The following SDK2 variants were observed in gnomAD, a reference collection of about 807,000 sequenced individuals.
The protein encoded by SDK2 is sidekick cell adhesion molecule 2.
Under a neutral mutation model 253.9 loss-of-function variants are expected in SDK2, and 105 were observed. That is an observed-to-expected ratio of 0.41 (90% CI 0.35 to 0.49). The LOEUF (loss-of-function observed/expected upper bound fraction) is 0.49. SDK2 is among the 20% of genes least tolerant of loss of function. SDK2 has a pLI of 0.06. For synonymous variants in SDK2, 1,249 were observed against 1,234.9 expected (o/e 1.01, Z -0.24); for missense variants, 2,608 against 3,003.0 (o/e 0.87, Z 3.07).
chr17:73,462,841 G>C (rs534156943), intron 3 of SDK2, among the ~76,000 whole-genome samples: 42 of 152,294 alleles, frequency 2.8e-4, no homozygotes, highest in African/African-American at 1.0e-3. Flanking sequence ...GGCCCTCACA[G>C]TCTCTCCATT....
At chr17:73,641,918 G>A (rs2046403155) in intron 1 of SDK2, among the ~76,000 whole-genome samples, 1 of 152,114 alleles carries the variant, frequency 6.6e-6, no homozygotes, top group African/African-American at 2.4e-5. Context: ...TGCAAGGCTT[G>A]CCTCCAGGGA....
At chr17:73,489,357 G>T (rs2063789701) in intron 2 of SDK2, among the ~76,000 whole-genome samples, 1 of 152,180 alleles carries the variant, frequency 6.6e-6, no homozygotes, top group African/African-American at 2.4e-5. Context: ...TGAAGACTTG[G>T]TCATCTTTGG....
chr17:73,527,762 C>T (rs1049868493), intron 1 of SDK2, among the ~76,000 whole-genome samples: 2 of 152,176 alleles, frequency 1.3e-5, no homozygotes, highest in East Asian at 1.9e-4. Context: ...GACTCCAGGG[C>T]AGAGACGATC....
In SDK2 at chr17:73,595,975, C is replaced by A. The variant is rs372086874; in HGVS notation, c.64+48050G>T. ...GAGAAGCCCTTGACACATAGGATTG[C>A]AGAAGTCAGAGGTCTTGGCCTTAGG... is the stretch of plus-strand genomic sequence containing the variant. On this transcript the variant is annotated intron_variant, in intron 1 of 44. Transcript: ENST00000392650. Among the ~76,000 whole-genome samples, 11 of 148,408 alleles carry A rather than the reference C, an allele frequency of 7.4e-5. No homozygotes were observed. The South Asian group carries it at 2.4e-3, about 32-fold the overall frequency.
chr17:73,509,710 C>T (rs1394399351), intron 1 of SDK2, among the ~76,000 whole-genome samples: 1 of 148,650 alleles, frequency 6.7e-6, no homozygotes. Flanking sequence ...GGTGCCTGGG[C>T]AATATGGTGA....
In SDK2 at chr17:73,455,933, C is replaced by G; in HGVS notation, c.452G>C (p.Gly151Ala). ...PQPQVTWFRD[G>A]RKIPPSSRIA... ...GCGGCTGCTGGGCGGGATCTTGCGG[C>G]CGTCCCGGAACCAGGTCACCTGTGG... The change falls in exon 4 of 45, where the codon GGC becomes GCC. Residue 151 changes from glycine to alanine, a missense_variant. Coordinates refer to ENST00000392650, the MANE Select transcript of SDK2 (RefSeq NM_001144952.2). This position sits in a 1 kb window ranked among gnomAD's most constrained non-coding sequence, Gnocchi z 5.0. 1 of 1,545,746 alleles carries G rather than the reference C, an allele frequency of 6.5e-7. No homozygotes were observed. The highest frequency in any genetic ancestry group is 8.7e-7 in the Non-Finnish European group (1 of 1,146,292).
At position 73,431,916 on chromosome 17, in the gene SDK2, C is replaced by A. The variant is rs923792207; in HGVS notation, c.1313-247G>T. On this transcript the variant is annotated intron_variant, in intron 10 of 44. Coordinates refer to ENST00000392650, the MANE Select transcript of SDK2 (RefSeq NM_001144952.2). The surrounding 1 kb of genome is among the most constrained non-coding windows in gnomAD (Gnocchi z 5.6). ...AGCCTAGAGCCCAGGTCCCCTGATG[C>A]TCCTGTGCCCGCCACACCACGTGCC... Among the ~76,000 whole-genome samples, 1 of 152,124 alleles carries A rather than the reference C, an allele frequency of 6.6e-6. No individual in the cohort carries two copies. Among genetic ancestry groups the A allele is most frequent in the Admixed American group, 6.5e-5 (1 of 15,270 alleles).
chr17:73,487,108 A>G (rs986950032), intron 2 of SDK2, among the ~76,000 whole-genome samples: 4 of 151,912 alleles, frequency 2.6e-5, no homozygotes, highest in Non-Finnish European at 5.9e-5. Flanking sequence ...TAATTTTTGT[A>G]TTTTTAGTAG....
intron 27 of SDK2, among the ~76,000 whole-genome samples, chr17:73,392,411 GGC>G (rs1342393990): frequency 2.0e-5 from 3 of 152,106 alleles, no homozygotes; most frequent in African/African-American, 4.8e-5. Flanking sequence ...TGAGACTACA[GGC>G]GTGTGCCACC....
Position 73,532,972 on chromosome 17 carries a change from G to A in SDK2, c.65-25375C>T, listed in dbSNP as rs559468849. On this transcript the variant is annotated intron_variant, in intron 1 of 44. Transcript: ENST00000392650. ...TAATAAAGGCATTTAATAAAGATGA[G>A]TATAAACATCAAAGGGCCCCTCTCC... Among the ~76,000 whole-genome samples, 40 of 152,294 alleles carry A rather than the reference G, an allele frequency of 2.6e-4. No homozygotes were observed. In the South Asian group the frequency reaches 5.0e-3, roughly 19 times the overall value.
chr17:73,338,554 C>T lies in SDK2; in HGVS notation c.*33G>A. 1 of 1,310,674 alleles carries T rather than the reference C, an allele frequency of 7.6e-7. No individual in the cohort carries two copies. Among genetic ancestry groups the T allele is most frequent in the Non-Finnish European group, 1.0e-6 (1 of 961,126 alleles). 81.2% of individuals were successfully genotyped at this position (1,310,674 alleles called of 1,614,324 possible). On this transcript the variant is annotated 3_prime_UTR_variant, in exon 45 of 45. Coordinates refer to ENST00000392650, the MANE Select transcript of SDK2 (RefSeq NM_001144952.2). This position sits in a 1 kb window ranked among gnomAD's most constrained non-coding sequence, Gnocchi z 5.0. The stretch of plus-strand genomic sequence containing the variant: ...GGAGGGGTGAAGGAGGAGTTTGGTG[C>T]CATTTCTCTTTCTGCTTTTTCCTCT...
At chr17:73,353,700 ATTT>A (rs11370066) in intron 40 of SDK2, among the ~76,000 whole-genome samples, 1 of 97,212 alleles carries the variant, frequency 1.0e-5, no homozygotes, top group Non-Finnish European at 1.9e-5. Flanking sequence ...TGCCTGGCCA[ATTT>A]TTTTTTTTTT....
At chr17:73,631,609 G>A (rs1054220938) in intron 1 of SDK2, among the ~76,000 whole-genome samples, 4 of 152,200 alleles carry the variant, frequency 2.6e-5, no homozygotes, top group African/African-American at 4.8e-5. Context: ...GTAAGCAGGC[G>A]GGCTGCTGAC....
chr17:73,401,762 A>G lies in SDK2; in HGVS notation c.2681-10T>C. Reference sequence around the variant, plus strand: ...CCCACGGGCCCAGGCACTGCACCCCAAAAGGAACCCCCACCCCCCAAGGCC... The same window carrying G: ...CCCACGGGCCCAGGCACTGCACCCCGAAAGGAACCCCCACCCCCCAAGGCC... On this transcript the variant is annotated splice_polypyrimidine_tract_variant and intron_variant, in intron 19 of 44. Coordinates refer to ENST00000392650, the MANE Select transcript of SDK2 (RefSeq NM_001144952.2). 1 of 1,564,746 alleles carries G rather than the reference A, an allele frequency of 6.4e-7. No individual in the cohort carries two copies. The highest frequency in any genetic ancestry group is 1.2e-5 in the South Asian group (1 of 85,164).
chr17:73,630,680 A>G (rs2046257394), intron 1 of SDK2, among the ~76,000 whole-genome samples: 1 of 152,162 alleles, frequency 6.6e-6, no homozygotes, highest in African/African-American at 2.4e-5. Flanking sequence ...TGGAGACACA[A>G]TAAGTCCTAA....
chr17:73,401,505 G>T, intron 20 of SDK2, 149 bp downstream of exon 20: 1 of 773,006 alleles, frequency 1.3e-6, no homozygotes, highest in Non-Finnish European at 2.2e-6. Flanking sequence ...AAGTGGAGGT[G>T]CCAAGAGCCT....
intron 1 of SDK2, among the ~76,000 whole-genome samples, chr17:73,625,051 G>A (rs773969332): frequency 1.3e-5 from 2 of 152,164 alleles, no homozygotes; most frequent in Non-Finnish European, 2.9e-5. Flanking sequence ...AAGAGCTTTG[G>A]TAGCTTGCCG....
At chr17:73,566,502 G>T (rs1162420638) in intron 1 of SDK2, among the ~76,000 whole-genome samples, 2 of 152,142 alleles carry the variant, frequency 1.3e-5, no homozygotes, top group African/African-American at 4.8e-5. Flanking sequence ...AAAGAGTTTG[G>T]TGGGTTCAAA....
intron 44 of SDK2, among the ~76,000 whole-genome samples, chr17:73,345,124 G>T (rs1276356382): frequency 2.0e-5 from 3 of 152,180 alleles, no homozygotes; most frequent in Non-Finnish European, 4.4e-5. Flanking sequence ...TTTGAGACCA[G>T]CCTGGCCAAC....
Sources: gnomAD v4.1 joint callset for allele counts (sites outside exome capture counted in the v4.1 genomes callset) on GRCh38, gnomAD v4.1.1 for gene constraint, Gnocchi (gnomAD v3.1) non-coding constraint, MANE v1.5 for transcripts, NCBI Gene and HGNC (gene_info 2026-07-23, HGNC 2026-07-21) for gene names.